Variants in DNMT3A observed in about 807,000 individuals in gnomAD.
DNMT3A encodes DNA methyltransferase 3 alpha, also known as DNA (cytosine-5)-methyltransferase 3A.
DNMT3A carries 267 observed loss-of-function variants against 117.6 expected under a neutral mutation model. The observed-to-expected ratio is 2.27, with a 90% confidence interval of 2.05 to 2.51. The LOEUF is 2.51. DNMT3A is among the 30% of genes most tolerant of loss of function. The pLI, the probability that DNMT3A is intolerant of heterozygous loss-of-function variation, is 0.00. For missense variants in DNMT3A, 1,029 were observed against 1,260.2 expected, an observed-to-expected ratio of 0.82 and a Z score of 2.78; for synonymous variants, 432 against 474.8, an observed-to-expected ratio of 0.91 and a Z score of 1.17.
At chr2:25,317,349 A>G (rs542159918) in intron 1 of DNMT3A, among the ~76,000 whole-genome samples, 11 of 151,982 alleles carry the variant, frequency 7.2e-5, no homozygotes, top group Admixed American at 5.9e-4. Context: ...AGCATGAGCC[A>G]CCACACCTGG....
chr2:25,283,981 G>A (rs1342795200), intron 3 of DNMT3A, among the ~76,000 whole-genome samples: 1 of 152,214 alleles, frequency 6.6e-6, no homozygotes, highest in African/African-American at 2.4e-5. Context: ...CCTGCTGTGT[G>A]CTCTGCTGTG....
At chr2:25,312,309 C>A (rs1167262040) in intron 2 of DNMT3A, among the ~76,000 whole-genome samples, 1 of 152,214 alleles carries the variant, frequency 6.6e-6, no homozygotes, top group Non-Finnish European at 1.5e-5. Context: ...TAGGGGCCCG[C>A]AGGTATCCAG....
rs2033669932 is a variant in DNMT3A, at chr2:25,304,245, A to T, written c.73-4002T>A. 6.6e-6 allele frequency among the ~76,000 whole-genome samples: 1 copy of T among 152,162 alleles called. No homozygotes were observed. Among genetic ancestry groups the T allele is most frequent in the African/African-American group, 2.4e-5 (1 of 41,410 alleles). On this transcript the variant is annotated intron_variant, in intron 2 of 22. Transcript: ENST00000321117. The surrounding 1 kb of genome is among the most constrained non-coding windows in gnomAD (Gnocchi z 4.3). Reference sequence around the variant, plus strand: ...AGTTTCGCTCTGCTCTTTGCTTAGGAGTAACCTCAAGCTCTTTAACCTCCC... The same window carrying T: ...AGTTTCGCTCTGCTCTTTGCTTAGGTGTAACCTCAAGCTCTTTAACCTCCC...
In DNMT3A at chr2:25,296,315, G is replaced by T. The variant is rs975817909; in HGVS notation, c.177+3824C>A. 1.3e-5 allele frequency among the ~76,000 whole-genome samples: 2 copies of T among 152,222 alleles called. No individual in the cohort carries two copies. Among genetic ancestry groups the T allele is most frequent in the Non-Finnish European group, 2.9e-5 (2 of 68,042 alleles). ...CCGGGCTGTGGTGCTGGGGCAGGCG[G>T]AGAGAAGGCAGGCTGTGGAACTGTG... On this transcript the variant is annotated intron_variant, in intron 3 of 22. Coordinates refer to ENST00000321117, the MANE Select transcript of DNMT3A (RefSeq NM_022552.5). This position sits in a 1 kb window ranked among gnomAD's most constrained non-coding sequence, Gnocchi z 4.2.
intron 2 of DNMT3A, among the ~76,000 whole-genome samples, chr2:25,313,017 T>A (rs2034201821): frequency 6.6e-6 from 1 of 152,148 alleles, no homozygotes; most frequent in Admixed American, 6.5e-5. Context: ...CAGACAGACA[T>A]GCCAGGAAGG....
chr2:25,258,424 G>A (rs1676341079), intron 6 of DNMT3A, among the ~76,000 whole-genome samples: 1 of 152,214 alleles, frequency 6.6e-6, no homozygotes, highest in African/African-American at 2.4e-5. Context: ...TATCCTGGGA[G>A]CCTGCCTGAA....
chr2:25,244,353 A>C lies in DNMT3A; in HGVS notation c.1668-15T>G, dbSNP rs1203894531. ...CGCAAAAGCACCTGGAAGGAGACCC[A>C]GTGAGCAGAGGAGACTCTCAGCCCT... On this transcript the variant is annotated splice_polypyrimidine_tract_variant and intron_variant, in intron 14 of 22. Transcript: ENST00000321117. 2 of 1,592,374 alleles carry C rather than the reference A, an allele frequency of 1.3e-6. No homozygotes were observed. The highest frequency in any genetic ancestry group is 1.7e-6 in the Non-Finnish European group (2 of 1,169,584).
At position 25,306,765 on chromosome 2, in the gene DNMT3A, A is replaced by G. The variant is rs1392356516; in HGVS notation, c.73-6522T>C. Reference sequence around the variant, plus strand: ...ACACAGGGGTGCACTAAAAAAATCTATTGAGCACCTACTGTGTACTGGATA... The same window carrying G: ...ACACAGGGGTGCACTAAAAAAATCTGTTGAGCACCTACTGTGTACTGGATA... On this transcript the variant is annotated intron_variant, in intron 2 of 22. Coordinates refer to ENST00000321117, the MANE Select transcript of DNMT3A (RefSeq NM_022552.5). This position sits in a 1 kb window ranked among gnomAD's most constrained non-coding sequence, Gnocchi z 4.1. 1.3e-5 allele frequency among the ~76,000 whole-genome samples: 2 copies of G among 152,230 alleles called. No individual in the cohort carries two copies. Among genetic ancestry groups the G allele is most frequent in the African/African-American group, 4.8e-5 (2 of 41,460 alleles).
chr2:25,243,590 C>T (rs570706175), intron 16 of DNMT3A, among the ~76,000 whole-genome samples: 4 of 152,320 alleles, frequency 2.6e-5, no homozygotes, highest in East Asian at 3.9e-4. Context: ...TGAATCTGTC[C>T]TTTGAGGCTC....
chr2:25,314,383 C>G, intron 1 of DNMT3A: 3 of 985,350 alleles, frequency 3.0e-6, no homozygotes, highest in Non-Finnish European at 3.6e-6. Context: ...GTCTCCCCTC[C>G]GTGTCGCTGC....
intron 3 of DNMT3A, among the ~76,000 whole-genome samples, chr2:25,289,390 G>A (rs562407253): frequency 2.0e-3 from 300 of 152,240 alleles, no homozygotes; most frequent in Non-Finnish European, 3.3e-3. Context: ...GTGAGCCACC[G>A]CACCCGGCCA....
chr2:25,280,585 C>T (rs2031819572), intron 4 of DNMT3A, among the ~76,000 whole-genome samples: 1 of 152,218 alleles, frequency 6.6e-6, no homozygotes, highest in Non-Finnish European at 1.5e-5. Context: ...TTCCCCTGGA[C>T]ATGTTTCACT....
At chr2:25,269,781 G>A (rs755201023) in intron 6 of DNMT3A, among the ~76,000 whole-genome samples, 17 of 152,186 alleles carry the variant, frequency 1.1e-4, no homozygotes, top group South Asian at 8.3e-4. Context: ...AGCTCCAGCA[G>A]GAATTCTCAC....
At position 25,305,645 on chromosome 2, in the gene DNMT3A, T is replaced by G. The variant is rs115497347; in HGVS notation, c.73-5402A>C. ...GCCTTTAGAACCAAAATTTACATCT[T>G]TTGTTTACCAGTCCATCGGTCTTTC... On this transcript the variant is annotated intron_variant, in intron 2 of 22. Transcript: ENST00000321117. The surrounding 1 kb of genome is among the most constrained non-coding windows in gnomAD (Gnocchi z 4.1). Among the ~76,000 whole-genome samples the G allele has an allele frequency of 6.0e-3, 914 of 152,272 alleles. 14 individuals are homozygous for G. Among genetic ancestry groups the G allele is most frequent in the African/African-American group, 0.021 (859 of 41,554 alleles).
Position 25,247,900 on chromosome 2 carries a change from G to A in DNMT3A, c.855+137C>T. 6.6e-7 allele frequency: 1 copy of A among 1,513,694 alleles called. No homozygotes were observed. The highest frequency in any genetic ancestry group is 8.9e-7 in the Non-Finnish European group (1 of 1,127,518). 93.8% of individuals were successfully genotyped at this position (1,513,694 alleles called of 1,614,324 possible). ...ATGAGGCAAGACAGAGCAAAATCGGGGAGACGAAGAGGCCCGGGGTCAGGT... is the reference window on the plus strand; with the variant it reads ...ATGAGGCAAGACAGAGCAAAATCGGAGAGACGAAGAGGCCCGGGGTCAGGT... On this transcript the variant is annotated intron_variant, in intron 7 of 22. Transcript: ENST00000321117. The surrounding 1 kb of genome is among the most constrained non-coding windows in gnomAD (Gnocchi z 5.6).
chr2:25,232,793 C>A lies in DNMT3A; in HGVS notation c.*1486G>T. 1 of 204,810 alleles carries A rather than the reference C, an allele frequency of 4.9e-6. No individual in the cohort carries two copies. Among genetic ancestry groups the A allele is most frequent in the Non-Finnish European group, 1.0e-5 (1 of 100,162 alleles). 12.7% of individuals were successfully genotyped at this position (204,810 alleles called of 1,614,324 possible). A position where few individuals can be genotyped will look rare whatever the true frequency, so the allele number is the denominator to read the frequency against. ...ATCTTAAAACAAACATAATTATAACCAGAACCATAAGAATAATTATAATAA... is the reference window on the plus strand; with the variant it reads ...ATCTTAAAACAAACATAATTATAACAAGAACCATAAGAATAATTATAATAA... On this transcript the variant is annotated 3_prime_UTR_variant, in exon 23 of 23. Transcript: ENST00000321117. The surrounding 1 kb of genome is among the most constrained non-coding windows in gnomAD (Gnocchi z 4.1).
At chr2:25,241,807 C>G in intron 16 of DNMT3A, 100 bp from the exon 17 acceptor site, 1 of 1,481,128 alleles carries the variant, frequency 6.8e-7, no homozygotes, top group South Asian at 1.3e-5. Context: ...ATGGGGTCAG[C>G]TGTAGGCCCA....
Position 25,240,649 on chromosome 2 carries a change from C to A in DNMT3A, c.2164G>T (p.Gly722Cys). The part of the protein sequence containing the change: ...DLSIVNPARK[G>C]LYEGTGRLFF... ...ACAGGATGGTACCTACCGTAGAGGC[C>A]CTTGCGAGCAGGGTTGACGATGGAG... Residue 722 changes from glycine to cysteine, a missense_variant, in exon 18 of 23, where the codon GGC (glycine) becomes TGC (cysteine). Physicochemically the swap from Gly to Cys is radical, Grantham distance 159. Transcript: ENST00000321117. The A allele has an allele frequency of 6.2e-7, 1 of 1,614,226 alleles. No homozygotes were observed. The highest frequency in any genetic ancestry group is 8.5e-7 in the Non-Finnish European group (1 of 1,180,042).
intron 6 of DNMT3A, among the ~76,000 whole-genome samples, chr2:25,258,450 G>A (rs181743241): frequency 5.3e-5 from 8 of 152,180 alleles, no homozygotes; most frequent in African/African-American, 2.4e-5. Flanking sequence ...CCTAAACACC[G>A]GATCAGGTCA....
Sources: gnomAD v4.1 joint callset for allele counts (sites outside exome capture counted in the v4.1 genomes callset) on GRCh38, gnomAD v4.1.1 for gene constraint, Gnocchi (gnomAD v3.1) non-coding constraint, MANE v1.5 for transcripts, NCBI Gene and HGNC (gene_info 2026-07-23, HGNC 2026-07-21) for gene names.